The following C1orf21 variants were observed in gnomAD, a reference collection of about 807,000 sequenced individuals.
C1orf21 encodes the protein uncharacterized protein C1orf21.
C1orf21 carries 3 observed loss-of-function variants against 18.7 expected under a neutral mutation model. That is an observed-to-expected ratio of 0.16 (90% CI 0.07 to 0.42). The LOEUF (loss-of-function observed/expected upper bound fraction) is 0.42. C1orf21 is among the 10% of genes least tolerant of loss of function. The probability of loss-of-function intolerance (pLI) is 0.99; values close to 1 mark genes in which losing one functional copy is unlikely to be tolerated. For synonymous variants in C1orf21, 41 were observed against 46.4 expected (o/e 0.88, Z 0.47); for missense variants, 104 against 143.6 (o/e 0.72, Z 1.41).
chr1:184,478,367 T>G (rs1009770733), intron 2 of C1orf21, among the ~76,000 whole-genome samples: 20 of 152,200 alleles, frequency 1.3e-4, no homozygotes. Flanking sequence ...GGCCACAGAT[T>G]GGCAACCCAT....
At chr1:184,393,007 T>A (rs1348988654) in intron 1 of C1orf21, among the ~76,000 whole-genome samples, 4 of 151,864 alleles carry the variant, frequency 2.6e-5, no homozygotes. Flanking sequence ...TTTGTGTTTT[T>A]TTCTAGAGAT....
chr1:184,489,933 A>C (rs890516414), intron 2 of C1orf21, among the ~76,000 whole-genome samples: 3 of 152,200 alleles, frequency 2.0e-5, no homozygotes, highest in Non-Finnish European at 4.4e-5. Context: ...TTTATGTTTA[A>C]CATTTATCAT....
At chr1:184,435,268 A>C (rs887766154) in intron 1 of C1orf21, among the ~76,000 whole-genome samples, 1 of 152,184 alleles carries the variant, frequency 6.6e-6, no homozygotes, top group Non-Finnish European at 1.5e-5. Context: ...ACATTCCAGC[A>C]CTGAGCTCAG....
rs940541890 is a variant in C1orf21 at position 184,411,774 on chromosome 1, C to G, written c.-125+24406C>G. On this transcript the variant is annotated intron_variant, in intron 1 of 5. Coordinates refer to ENST00000235307, the MANE Select transcript of C1orf21 (RefSeq NM_030806.4). Reference sequence around the variant, plus strand: ...ATATAAGAGCTTCTATATGTTCTGTCATAAACTTGAATTTGTCTTCAGTCC... The same window carrying G: ...ATATAAGAGCTTCTATATGTTCTGTGATAAACTTGAATTTGTCTTCAGTCC... Among the ~76,000 whole-genome samples, 18 of 152,302 alleles carry G rather than the reference C, an allele frequency of 1.2e-4. 1 individual carries two copies. The highest frequency in any genetic ancestry group is 6.8e-3 in the Middle Eastern group (2 of 294).
chr1:184,535,213 G>A (rs1024957488), intron 3 of C1orf21, among the ~76,000 whole-genome samples: 3 of 152,148 alleles, frequency 2.0e-5, no homozygotes, highest in Non-Finnish European at 4.4e-5. Flanking sequence ...TAGTAAGAAT[G>A]ATTCGGGACA....
intron 3 of C1orf21, among the ~76,000 whole-genome samples, chr1:184,559,493 TCCTTCCTTCCCC>T (rs1335175401): frequency 2.5e-5 from 3 of 119,002 alleles, no homozygotes; most frequent in African/African-American, 1.0e-4. Context: ...CTTCCTTCCT[TCCTTCCTTCCCC>T]CCTTCCTTCC....
At chr1:184,414,784 C>G (rs6657105) in intron 1 of C1orf21, among the ~76,000 whole-genome samples, 22,887 of 151,898 alleles carry the variant, frequency 0.15, 1,748 homozygotes, top group African/African-American at 0.17. Flanking sequence ...CTTGGAAAAC[C>G]ATTTGTTGAG....
At chr1:184,504,041 C>T (rs756997866) in intron 2 of C1orf21, among the ~76,000 whole-genome samples, 6 of 152,134 alleles carry the variant, frequency 3.9e-5, no homozygotes, top group Non-Finnish European at 8.8e-5. Flanking sequence ...ACGTAGTCTT[C>T]TTTTGATCAA....
chr1:184,397,968 G>A (rs1656088454), intron 1 of C1orf21, among the ~76,000 whole-genome samples: 1 of 152,158 alleles, frequency 6.6e-6, no homozygotes, highest in South Asian at 2.1e-4. Context: ...AAGGTTTGTA[G>A]TATAAATAGG....
intron 3 of C1orf21, among the ~76,000 whole-genome samples, chr1:184,584,050 A>T (rs1311940963): frequency 6.6e-6 from 1 of 150,516 alleles, no homozygotes. Flanking sequence ...TGCTGCTGGT[A>T]GTGAACCACG....
chr1:184,451,109 C>T (rs941222034), intron 1 of C1orf21, among the ~76,000 whole-genome samples: 1 of 152,206 alleles, frequency 6.6e-6, no homozygotes, highest in Non-Finnish European at 1.5e-5. Context: ...AACTCCTGAC[C>T]TCAGGTGATC....
At position 184,626,133 on chromosome 1, in the gene C1orf21, T is replaced by G. The variant is rs915702824; in HGVS notation, c.*6577T>G. ...TTTATTTCTGGAGCCCCTGGTACAC[T>G]CCAGGCACTGCGCTAATTGCCAGCA... On this transcript the variant is annotated 3_prime_UTR_variant, in exon 6 of 6. Coordinates refer to ENST00000235307, the MANE Select transcript of C1orf21 (RefSeq NM_030806.4). The G allele has an allele frequency of 1.3e-5, 2 of 152,176 alleles. No homozygotes were observed. Among genetic ancestry groups the G allele is most frequent in the Non-Finnish European group, 2.9e-5 (2 of 68,040 alleles). 9.4% of individuals were successfully genotyped at this position (152,176 alleles called of 1,614,324 possible).
intron 2 of C1orf21, among the ~76,000 whole-genome samples, chr1:184,479,614 T>A (rs1457055848): frequency 8.5e-5 from 4 of 46,834 alleles, no homozygotes; most frequent in Non-Finnish European, 1.2e-4. Context: ...CCCATAGGTC[T>A]TTTTTTTTTT....
chr1:184,395,190 T>A (rs61823500), intron 1 of C1orf21, among the ~76,000 whole-genome samples: 18,621 of 152,156 alleles, frequency 0.12, 1,184 homozygotes, highest in East Asian at 0.15. Flanking sequence ...ATTTTTATTA[T>A]ATATATTTTT....
intron 1 of C1orf21, among the ~76,000 whole-genome samples, chr1:184,427,346 T>C (rs1466282346): frequency 1.3e-5 from 2 of 152,290 alleles, no homozygotes; most frequent in African/African-American, 4.8e-5. Flanking sequence ...ATCTGACATG[T>C]CTCTGTTTGT....
At chr1:184,558,300 A>T (rs189691019) in intron 3 of C1orf21, among the ~76,000 whole-genome samples, 5 of 152,330 alleles carry the variant, frequency 3.3e-5, no homozygotes, top group African/African-American at 1.2e-4. Context: ...AATGTTCATC[A>T]GTAAATTATT....
intron 2 of C1orf21, among the ~76,000 whole-genome samples, chr1:184,506,431 A>G (rs1658063307): frequency 2.6e-5 from 4 of 152,224 alleles, no homozygotes; most frequent in Admixed American, 2.0e-4. Flanking sequence ...AAGATAAGAA[A>G]TTAAATAAGA....
chr1:184,562,424 T>A (rs566722175), intron 3 of C1orf21, among the ~76,000 whole-genome samples: 2 of 152,346 alleles, frequency 1.3e-5, no homozygotes, highest in South Asian at 4.1e-4. Flanking sequence ...GCTCACATTT[T>A]CATCTGCACA....
chr1:184,435,287 T>A lies in C1orf21; in HGVS notation c.-124-42099T>A, dbSNP rs1174057897. On this transcript the variant is annotated intron_variant, in intron 1 of 5. Transcript: ENST00000235307. ...TCCAGCACTGAGCTCAGGGATATGG[T>A]TCAGGATGAAAGGATACATTTGAGA... Among the ~76,000 whole-genome samples, 4 of 152,170 alleles carry A rather than the reference T, an allele frequency of 2.6e-5. No individual in the cohort carries two copies. The East Asian group carries it at 5.8e-4, about 22-fold the overall frequency.
Sources: gnomAD v4.1 joint callset for allele counts (sites outside exome capture counted in the v4.1 genomes callset) on GRCh38, gnomAD v4.1.1 for gene constraint, MANE v1.5 for transcripts, NCBI Gene and HGNC (gene_info 2026-07-23, HGNC 2026-07-21) for gene names.